Variants in HDAC4 observed in about 807,000 individuals in gnomAD.
The protein encoded by HDAC4 is histone deacetylase A.
Under a neutral mutation model 135.1 loss-of-function variants are expected in HDAC4, and 16 were observed. The ratio of observed to expected loss-of-function variants is 0.12; its 90% confidence interval spans 0.08 to 0.18. HDAC4 has a LOEUF of 0.18. HDAC4 is among the 10% of genes least tolerant of loss of function. The pLI, the probability that HDAC4 is intolerant of heterozygous loss-of-function variation, is 1.00. For synonymous variants in HDAC4, 685 were observed against 653.4 expected (o/e 1.05, Z -0.74); for missense variants, 1,143 against 1,511.8 (o/e 0.76, Z 4.05).
At chr2:239,381,124 C>T (rs1695389395) in intron 1 of HDAC4, among the ~76,000 whole-genome samples, 1 of 152,182 alleles carries the variant, frequency 6.6e-6, no homozygotes, top group African/African-American at 2.4e-5. Flanking sequence ...AGGAAGGAAA[C>T]CGTCTAGGAA....
chr2:239,052,987 G>C lies in HDAC4; in HGVS notation c.*110C>G. 7.6e-7 allele frequency: 1 copy of C among 1,315,266 alleles called. No individual in the cohort carries two copies. Among genetic ancestry groups the C allele is most frequent in the Non-Finnish European group, 1.1e-6 (1 of 908,178 alleles). The allele number at this position is 1,315,266 out of a possible 1,614,324, so 81.5% of individuals were successfully genotyped here. ...GCTGTTGCACGCTGGGTGTCCCTGG[G>C]TGCTCCAAGAGAGCCCCACGGTGGG... On this transcript the variant is annotated 3_prime_UTR_variant, in exon 27 of 27. Coordinates refer to ENST00000543185, the MANE Select transcript of HDAC4 (RefSeq NM_001378414.1).
Position 239,400,220 on chromosome 2 carries a change from G to A in HDAC4, c.-220+758C>T, listed in dbSNP as rs1031993860. ...CCCCCCGCCCTCCCGCGACCCCCCG[G>A]GCGCTCGCAGCGGCGACGACAAGCG... On this transcript the variant is annotated intron_variant, in intron 1 of 26. Coordinates refer to ENST00000543185, the MANE Select transcript of HDAC4 (RefSeq NM_001378414.1). The surrounding 1 kb of genome is among the most constrained non-coding windows in gnomAD (Gnocchi z 4.7). 7.9e-5 allele frequency among the ~76,000 whole-genome samples: 12 copies of A among 151,562 alleles called. No individual in the cohort carries two copies. Among genetic ancestry groups the A allele is most frequent in the African/African-American group, 2.9e-4 (12 of 41,406 alleles).
chr2:239,367,506 T>C (rs1694299891), intron 1 of HDAC4, among the ~76,000 whole-genome samples: 1 of 152,186 alleles, frequency 6.6e-6, no homozygotes, highest in East Asian at 1.9e-4. Context: ...ATCCCTAATC[T>C]AAGAATCCAC....
intron 25 of HDAC4, among the ~76,000 whole-genome samples, 178 bp downstream of exon 25, chr2:239,054,569 ATG>A (rs1158942042): frequency 5.3e-5 from 8 of 152,262 alleles, no homozygotes; most frequent in African/African-American, 1.9e-4. Flanking sequence ...TCGGGGTTAA[ATG>A]TGAGTCTCTA....
intron 1 of HDAC4, among the ~76,000 whole-genome samples, chr2:239,358,810 A>C (rs1229617617): frequency 6.6e-6 from 1 of 152,184 alleles, no homozygotes; most frequent in Non-Finnish European, 1.5e-5. Context: ...TACACACACA[A>C]AGTCATTTCA....
intron 2 of HDAC4, among the ~76,000 whole-genome samples, chr2:239,337,087 C>T (rs1691987488): frequency 6.6e-6 from 1 of 152,106 alleles, no homozygotes; most frequent in Non-Finnish European, 1.5e-5. Flanking sequence ...AGAGGAAGAC[C>T]ACGGGGGAAA....
chr2:239,096,340 A>T (rs1467354096), intron 16 of HDAC4, among the ~76,000 whole-genome samples: 1 of 135,090 alleles, frequency 7.4e-6, no homozygotes, highest in African/African-American at 2.8e-5. Context: ...CCCCCTACGG[A>T]CGCCCACACC....
intron 9 of HDAC4, among the ~76,000 whole-genome samples, chr2:239,138,341 C>T (rs1426543388): frequency 1.3e-5 from 2 of 152,208 alleles, no homozygotes; most frequent in Admixed American, 6.5e-5. Flanking sequence ...AATGTTTATA[C>T]ATAAACGGTC....
At chr2:239,062,061 C>T (rs1043886883) in intron 24 of HDAC4, among the ~76,000 whole-genome samples, 3 of 151,926 alleles carry the variant, frequency 2.0e-5, no homozygotes, top group Admixed American at 6.5e-5. Context: ...CTCGGTGCTG[C>T]GCCCACACGA....
intron 3 of HDAC4, among the ~76,000 whole-genome samples, chr2:239,202,817 C>T (rs888460559): frequency 8.5e-5 from 13 of 152,302 alleles, no homozygotes; most frequent in Admixed American, 3.3e-4. Flanking sequence ...GGTGATAAAC[C>T]CAGTGATCAG....
chr2:239,167,704 G>A lies in HDAC4; in HGVS notation c.491-3781C>T, dbSNP rs115078273. 0.016 allele frequency among the ~76,000 whole-genome samples: 2,499 copies of A among 151,614 alleles called. 65 individuals are homozygous for A. The highest frequency in any genetic ancestry group is 0.057 in the African/African-American group (2,371 of 41,274). ...AAACCCATTCAACAAATGGATAGCA[G>A]ATCTCCCTAATTTTTACTTTTACTT... On this transcript the variant is annotated intron_variant, in intron 5 of 26. Transcript: ENST00000543185. This position sits in a 1 kb window ranked among gnomAD's most constrained non-coding sequence, Gnocchi z 4.1.
chr2:239,255,224 T>C (rs1024600255), intron 2 of HDAC4, among the ~76,000 whole-genome samples: 1 of 152,128 alleles, frequency 6.6e-6, no homozygotes, highest in African/African-American at 2.4e-5. Flanking sequence ...TACACATTAA[T>C]AACTACTGAA....
intron 1 of HDAC4, among the ~76,000 whole-genome samples, chr2:239,387,383 G>A (rs1695887146): frequency 6.6e-6 from 1 of 152,220 alleles, no homozygotes; most frequent in African/African-American, 2.4e-5. Context: ...CAGGACCACA[G>A]GGCCGGCCGC....
In HDAC4 at chr2:239,144,132, T is replaced by C. The variant is rs144409383; in HGVS notation, c.865+451A>G. ...CAACTTCACTCCTTGCTTCCCTCCC[T>C]GCTCAGTTGATGGGTGCTCTGGCGT... On this transcript the variant is annotated intron_variant, in intron 8 of 26. Transcript: ENST00000543185. 5.0e-4 allele frequency among the ~76,000 whole-genome samples: 76 copies of C among 152,314 alleles called. No homozygotes were observed. The East Asian group carries it at 0.013, about 27-fold the overall frequency.
chr2:239,238,221 T>C (rs1034117404), intron 2 of HDAC4, among the ~76,000 whole-genome samples: 1 of 152,190 alleles, frequency 6.6e-6, no homozygotes. Context: ...TAAATATATT[T>C]GTATTCATTT....
At chr2:239,298,908 G>A (rs149688959) in intron 2 of HDAC4, among the ~76,000 whole-genome samples, 2,523 of 116,152 alleles carry the variant, frequency 0.022, 82 homozygotes, top group African/African-American at 0.081. Context: ...TCACTCTGTC[G>A]CCCAGGCTGG....
chr2:239,191,062 G>A, intron 3 of HDAC4: 1 of 454,944 alleles, frequency 2.2e-6, no homozygotes. Context: ...AAACTTCACT[G>A]AGAGTCCAAG....
intron 7 of HDAC4, among the ~76,000 whole-genome samples, chr2:239,151,953 G>C (rs2042142963): frequency 6.6e-6 from 1 of 152,122 alleles, no homozygotes; most frequent in Non-Finnish European, 1.5e-5. Flanking sequence ...AGAAGCTGCT[G>C]ACAAATGGGA....
chr2:239,142,848 T>TGA (rs1319506669), intron 8 of HDAC4, among the ~76,000 whole-genome samples: 16 of 134,344 alleles, frequency 1.2e-4, no homozygotes, highest in African/African-American at 4.6e-4. Flanking sequence ...GACTCCTGGG[T>TGA]GAGCTCAGCA....
Sources: gnomAD v4.1 joint callset for allele counts (sites outside exome capture counted in the v4.1 genomes callset) on GRCh38, gnomAD v4.1.1 for gene constraint, Gnocchi (gnomAD v3.1) non-coding constraint, MANE v1.5 for transcripts, NCBI Gene and HGNC (gene_info 2026-07-23, HGNC 2026-07-21) for gene names.